SSX2IP: variants seen among roughly 807,000 people sequenced by gnomAD.
SSX2IP encodes the protein SSX family member 2 interacting protein.
SSX2IP carries 55 observed loss-of-function variants against 84.9 expected under a neutral mutation model. The observed-to-expected ratio is 0.65, with a 90% CI of 0.52 to 0.81. SSX2IP has a LOEUF of 0.81. Ranked by LOEUF, SSX2IP falls within the 30% of genes least tolerant of loss-of-function variation. The pLI, the probability that SSX2IP is intolerant of heterozygous loss-of-function variation, is 0.00. For missense variants in SSX2IP, 664 were observed against 705.2 expected (o/e 0.94, Z 0.66); for synonymous variants, 239 against 234.7 (o/e 1.02, Z -0.17).
At chr1:84,657,416 C>T (rs1051704128) in intron 9 of SSX2IP, among the ~76,000 whole-genome samples, 7 of 151,992 alleles carry the variant, frequency 4.6e-5, no homozygotes, top group Admixed American at 2.6e-4. Context: ...TATATACTTC[C>T]AAATTAATAT....
intron 1 of SSX2IP, among the ~76,000 whole-genome samples, chr1:84,687,344 T>C (rs1655942292): frequency 1.3e-5 from 2 of 152,236 alleles, no homozygotes; most frequent in South Asian, 4.1e-4. Flanking sequence ...TAAAAACTTA[T>C]TTTTGCTAAT....
At chr1:84,655,184 T>C (rs1169736151) in intron 11 of SSX2IP, 1 of 306,728 alleles carries the variant, frequency 3.3e-6, no homozygotes, top group Non-Finnish European at 5.0e-6. Flanking sequence ...AAAGTTAAAA[T>C]AGTACTTCCT....
At position 84,658,476 on chromosome 1, in the gene SSX2IP, C is replaced by T. The variant is rs753992194; in HGVS notation, c.928-8G>A. The T allele has an allele frequency of 2.4e-5, 39 of 1,612,496 alleles. No individual in the cohort carries two copies. The highest frequency in any genetic ancestry group is 5.0e-5 in the Admixed American group (3 of 59,878). ...TTCAACATCGGAAATAACCTACAAG[C>T]GGAGAGAGATGAAGAGGAAAGGCTA... On this transcript the variant is annotated splice_polypyrimidine_tract_variant and splice_region_variant and intron_variant, in intron 8 of 13. Coordinates refer to ENST00000342203, the MANE Select transcript of SSX2IP (RefSeq NM_001166293.2).
chr1:84,669,260 G>C (rs1653190074), intron 4 of SSX2IP, among the ~76,000 whole-genome samples: 1 of 151,814 alleles, frequency 6.6e-6, no homozygotes. Context: ...AAGTTATCTA[G>C]TCTGATTTAA....
chr1:84,654,391 A>T (rs1650768706), intron 11 of SSX2IP, among the ~76,000 whole-genome samples: 1 of 152,188 alleles, frequency 6.6e-6, no homozygotes, highest in Non-Finnish European at 1.5e-5. Context: ...GAAGGAAAAA[A>T]AACTGGAATC....
chr1:84,688,292 T>C (rs778922724), intron 1 of SSX2IP, among the ~76,000 whole-genome samples: 1 of 152,144 alleles, frequency 6.6e-6, no homozygotes, highest in Non-Finnish European at 1.5e-5. Flanking sequence ...TAGCTAACCA[T>C]ATCACCATTA....
At chr1:84,679,732 G>A (rs550601924) in intron 1 of SSX2IP, among the ~76,000 whole-genome samples, 7 of 152,296 alleles carry the variant, frequency 4.6e-5, no homozygotes, top group Admixed American at 4.6e-4. Context: ...CTAGGACATA[G>A]GGTACTGGTT....
intron 1 of SSX2IP, among the ~76,000 whole-genome samples, chr1:84,688,538 A>ACG (rs1284198509): frequency 6.6e-6 from 1 of 152,204 alleles, no homozygotes; most frequent in Non-Finnish European, 1.5e-5. Context: ...AGGCACTCAA[A>ACG]CGCCTACTTT....
rs1649507790 is a variant in SSX2IP at position 84,646,753 on chromosome 1, G to A, written c.*680C>T. On this transcript the variant is annotated 3_prime_UTR_variant, in exon 14 of 14. Transcript: ENST00000342203. Reference sequence around the variant, plus strand: ...ATTATCTAAAGAACTCAGCTTCATGGAATACCTTTCAATATTTATTGCCCA... The same window carrying A: ...ATTATCTAAAGAACTCAGCTTCATGAAATACCTTTCAATATTTATTGCCCA... 3 of 152,462 alleles carry A rather than the reference G, an allele frequency of 2.0e-5. No homozygotes were observed. In the South Asian group the frequency reaches 6.2e-4, roughly 32 times the overall value. 9.4% of individuals were successfully genotyped at this position (152,462 alleles called of 1,614,324 possible).
chr1:84,681,507 A>G (rs1219410082), intron 1 of SSX2IP, among the ~76,000 whole-genome samples: 3 of 152,212 alleles, frequency 2.0e-5, no homozygotes, highest in African/African-American at 7.2e-5. Context: ...AATGTCACAA[A>G]TGACACTTCT....
intron 1 of SSX2IP, among the ~76,000 whole-genome samples, chr1:84,674,333 G>T (rs1653999652): frequency 6.6e-6 from 1 of 152,102 alleles, no homozygotes; most frequent in Admixed American, 6.5e-5. Flanking sequence ...TGGTATAAAT[G>T]ACAGGCTTCT....
chr1:84,659,857 C>T (rs1346351114), intron 8 of SSX2IP, among the ~76,000 whole-genome samples: 1 of 150,390 alleles, frequency 6.6e-6, no homozygotes, highest in African/African-American at 2.4e-5. Flanking sequence ...TTGAACAGAA[C>T]TCTCTAACCA....
intron 1 of SSX2IP, among the ~76,000 whole-genome samples, chr1:84,681,808 G>C (rs533995655): frequency 6.6e-6 from 1 of 152,310 alleles, no homozygotes; most frequent in East Asian, 1.9e-4. Flanking sequence ...CCATGAGCAA[G>C]GGTAATGCAG....
rs1649490705 is a variant in SSX2IP, at chr1:84,646,625, T to C, written c.*808A>G. On this transcript the variant is annotated 3_prime_UTR_variant, in exon 14 of 14. Coordinates refer to ENST00000342203, the MANE Select transcript of SSX2IP (RefSeq NM_001166293.2). ...GGTACTTTTGTCGTCTTGCCCCTAT[T>C]CTTCTATCATCAATAGTCCTTTTAA... The C allele has an allele frequency of 6.6e-6, 1 of 152,520 alleles. No homozygotes were observed. Among genetic ancestry groups the C allele is most frequent in the Non-Finnish European group, 1.5e-5 (1 of 67,978 alleles). 9.4% of individuals were successfully genotyped at this position (152,520 alleles called of 1,614,324 possible).
Position 84,643,929 on chromosome 1 carries a change from T to C in SSX2IP, c.*3504A>G, listed in dbSNP as rs981925429. 3 of 152,170 alleles carry C rather than the reference T, an allele frequency of 2.0e-5. No individual in the cohort carries two copies. The highest frequency in any genetic ancestry group is 7.2e-5 in the African/African-American group (3 of 41,454). 9.4% of individuals were successfully genotyped at this position (152,170 alleles called of 1,614,324 possible). A position where few individuals can be genotyped will look rare whatever the true frequency, so the allele number is the denominator to read the frequency against. On this transcript the variant is annotated 3_prime_UTR_variant, in exon 14 of 14. Coordinates refer to ENST00000342203, the MANE Select transcript of SSX2IP (RefSeq NM_001166293.2). The stretch of plus-strand genomic sequence containing the variant: ...GTCATTTGATTTCATATAAATCAAA[T>C]AATTTAATCAATATCCACCCACTCT...
Position 84,647,477 on chromosome 1 carries a change from A to G in SSX2IP, c.1801T>C (p.Leu601=), listed in dbSNP as rs1320581516. The G allele has an allele frequency of 6.2e-7, 1 of 1,612,024 alleles. No homozygotes were observed. Among genetic ancestry groups the G allele is most frequent in the African/African-American group, 1.3e-5 (1 of 74,962 alleles). Residue 601 remains leucine, a synonymous_variant, in exon 14 of 14, where the codon TTG becomes CTG. Transcript: ENST00000342203. ...SQEGCYSGCS[L]SYTNSHVEKD... is the part of the protein sequence containing the mutation. Reference sequence around the variant, plus strand: ...TCTACATGAGAATTTGTGTAGCTCAAGGAGCATCCACTATAGCAACCTTCC... The same window carrying G: ...TCTACATGAGAATTTGTGTAGCTCAGGGAGCATCCACTATAGCAACCTTCC...
intron 1 of SSX2IP, among the ~76,000 whole-genome samples, chr1:84,685,488 C>T (rs112098998): frequency 3.3e-5 from 5 of 152,354 alleles, no homozygotes; most frequent in Admixed American, 6.5e-5. Context: ...TTAATCCTCA[C>T]GCTAGCCCTA....
chr1:84,671,276 C>G lies in SSX2IP; in HGVS notation c.-57G>C, dbSNP rs375570287. 1 of 1,595,306 alleles carries G rather than the reference C, an allele frequency of 6.3e-7. No individual in the cohort carries two copies. The highest frequency in any genetic ancestry group is 1.4e-5 in the African/African-American group (1 of 74,054). ...CTAGTTCAGCAGTTAAACATTTAGT[C>G]TAGCTGCTGTCACTCTTCTATGTAG... is the stretch of plus-strand genomic sequence containing the variant. On this transcript the variant is annotated 5_prime_UTR_variant, in exon 2 of 14. Transcript: ENST00000342203.
intron 13 of SSX2IP, chr1:84,650,001 C>T: frequency 1.6e-6 from 1 of 622,848 alleles, no homozygotes; most frequent in Admixed American, 2.0e-5. Context: ...GATATGTACT[C>T]TACAAAAACT....
Sources: gnomAD v4.1 joint callset for allele counts (sites outside exome capture counted in the v4.1 genomes callset) on GRCh38, gnomAD v4.1.1 for gene constraint, MANE v1.5 for transcripts, NCBI Gene and HGNC (gene_info 2026-07-23, HGNC 2026-07-21) for gene names.